PCDH7: variants seen among roughly 807,000 people sequenced by gnomAD.
The protein encoded by PCDH7 is protocadherin 7.
In PCDH7, 17 loss-of-function variants were observed where a neutral mutation model predicts 58.9. The ratio of observed to expected loss-of-function variants is 0.29; its 90% confidence interval spans 0.20 to 0.43. PCDH7 has a LOEUF of 0.43. PCDH7 is among the 20% of genes least tolerant of loss of function. PCDH7 has a pLI of 1.00. For missense variants in PCDH7, 1,274 were observed against 1,441.0 expected, an observed-to-expected ratio of 0.88 and a Z score of 1.88; for synonymous variants, 664 against 616.4, an observed-to-expected ratio of 1.08 and a Z score of -1.14.
intron 1 of PCDH7, among the ~76,000 whole-genome samples, chr4:30,742,341 T>C (rs1717190066): frequency 6.6e-6 from 1 of 152,174 alleles, no homozygotes; most frequent in South Asian, 2.1e-4. Context: ...AATCATTAGA[T>C]GAAGGCACAC....
chr4:31,026,568 A>G (rs6448733), intron 3 of PCDH7, among the ~76,000 whole-genome samples: 82,871 of 152,144 alleles, frequency 0.54, 26,399 homozygotes, highest in African/African-American at 0.88. Flanking sequence ...GAAAGTGTAT[A>G]TGTCTGTGAG....
At chr4:31,142,662 C>A (rs374090310) in exon 4 of PCDH7, 5 of 1,367,704 alleles carry the variant, frequency 3.7e-6, no homozygotes, top group African/African-American at 1.5e-5. Flanking sequence ...AATGGGGAGG[C>A]CGCCATCATG....
At chr4:30,893,912 C>T (rs1332553069) in intron 1 of PCDH7, among the ~76,000 whole-genome samples, 1 of 152,060 alleles carries the variant, frequency 6.6e-6, no homozygotes, top group East Asian at 1.9e-4. Context: ...TTAGATTATC[C>T]TCACAAAGGA....
At chr4:30,969,412 T>C (rs1360033106) in intron 3 of PCDH7, among the ~76,000 whole-genome samples, 2 of 152,162 alleles carry the variant, frequency 1.3e-5, no homozygotes, top group Non-Finnish European at 2.9e-5. Flanking sequence ...TTGTGAACCT[T>C]TTAGGAGCTA....
intron 3 of PCDH7, among the ~76,000 whole-genome samples, chr4:31,052,188 A>G (rs994553424): frequency 6.6e-6 from 1 of 152,152 alleles, no homozygotes; most frequent in Non-Finnish European, 1.5e-5. Flanking sequence ...ATGATTTATC[A>G]TGCCTGTTCC....
At chr4:30,883,656 CTT>C (rs1387236828) in intron 1 of PCDH7, among the ~76,000 whole-genome samples, 1 of 152,166 alleles carries the variant, frequency 6.6e-6, no homozygotes, top group East Asian at 1.9e-4. Flanking sequence ...TTTCTCCTCT[CTT>C]CTCCTTTTTT....
chr4:31,016,961 TTG>T (rs1241091310), intron 3 of PCDH7, among the ~76,000 whole-genome samples: 4 of 149,690 alleles, frequency 2.7e-5, no homozygotes, highest in East Asian at 2.0e-4. Context: ...GTGTATGTGT[TTG>T]TGTGTGTGTG....
chr4:30,950,145 C>T (rs1012058284), exon 3 of PCDH7: 33 of 152,576 alleles, frequency 2.2e-4, no homozygotes, highest in African/African-American at 7.5e-4. Flanking sequence ...CTACCTTTCC[C>T]TTCCTCCCCT....
intron 3 of PCDH7, among the ~76,000 whole-genome samples, chr4:30,954,273 G>T (rs1339108613): frequency 6.6e-6 from 1 of 152,002 alleles, no homozygotes; most frequent in Non-Finnish European, 1.5e-5. Flanking sequence ...ATGCCTTTTT[G>T]CTGACCCTAC....
chr4:31,141,908 G>C (rs7671046), intron 3 of PCDH7, among the ~76,000 whole-genome samples: 81,713 of 151,902 alleles, frequency 0.54, 23,658 homozygotes, highest in African/African-American at 0.76. Flanking sequence ...TTGCTTTTTA[G>C]TTTTTACCAC....
intron 1 of PCDH7, among the ~76,000 whole-genome samples, chr4:30,762,208 C>T (rs1029542039): frequency 6.6e-6 from 1 of 152,098 alleles, no homozygotes; most frequent in Admixed American, 6.6e-5. Flanking sequence ...AATGCTGAAA[C>T]TTTACACCAG....
At chr4:31,062,014 C>T (rs1757727384) in intron 3 of PCDH7, among the ~76,000 whole-genome samples, 1 of 151,618 alleles carries the variant, frequency 6.6e-6, no homozygotes, top group Non-Finnish European at 1.5e-5. Context: ...GGAAGTAGAA[C>T]CATACACAAG....
intron 2 of PCDH7, among the ~76,000 whole-genome samples, chr4:30,946,760 T>A (rs973451974): frequency 6.9e-6 from 1 of 145,572 alleles, no homozygotes; most frequent in East Asian, 2.2e-4. Flanking sequence ...CAGGCTGGAG[T>A]GCAGTGGCAC....
At chr4:31,018,742 G>A (rs1753803553) in intron 3 of PCDH7, among the ~76,000 whole-genome samples, 1 of 152,140 alleles carries the variant, frequency 6.6e-6, no homozygotes, top group Admixed American at 6.5e-5. Flanking sequence ...GTTTGCTTAT[G>A]TATTTGTTTT....
chr4:30,735,304 T>C (rs540154403), downstream of PCDH7, among the ~76,000 whole-genome samples: 1 of 152,276 alleles, frequency 6.6e-6, no homozygotes, highest in African/African-American at 2.4e-5. Context: ...TGCTCACCGA[T>C]AAACTTTCCA....
At chr4:30,950,354 A>G (rs546817159) in intron 3 of PCDH7, 2 of 152,498 alleles carry the variant, frequency 1.3e-5, no homozygotes, top group African/African-American at 4.8e-5. Flanking sequence ...TTGAGTTTAT[A>G]TGTTTCACCG....
In PCDH7 at chr4:30,970,789, C is replaced by T. The variant is rs1269615085; in HGVS notation, c.*7+20574C>T. ...GGATTTTGTATATTTTCTGTAGCTA[C>T]AGAGCATATATAAAATGTATCATTG... On this transcript the variant is annotated intron_variant, in intron 3 of 3. Transcript: ENST00000509759. Among the ~76,000 whole-genome samples, 8 of 152,124 alleles carry T rather than the reference C, an allele frequency of 5.3e-5. No homozygotes were observed. The East Asian group carries it at 1.5e-3, about 29-fold the overall frequency.
At chr4:30,825,887 T>G (rs1345442552) in intron 1 of PCDH7, among the ~76,000 whole-genome samples, 3 of 152,180 alleles carry the variant, frequency 2.0e-5, no homozygotes, top group Non-Finnish European at 4.4e-5. Flanking sequence ...TGCCAGTACC[T>G]TAAAAGAATA....
intron 1 of PCDH7, among the ~76,000 whole-genome samples, chr4:30,824,153 TTCTTTCTTTTTG>T: frequency 8.2e-6 from 1 of 122,486 alleles, no homozygotes; most frequent in Non-Finnish European, 1.7e-5. Flanking sequence ...CTTTCTTTCT[TTCTTTCTTTTTG>T]CTTCCCTCAT....
Sources: gnomAD v4.1 joint callset for allele counts (sites outside exome capture counted in the v4.1 genomes callset) on GRCh38, gnomAD v4.1.1 for gene constraint, MANE v1.5 for transcripts, NCBI Gene and HGNC (gene_info 2026-07-23, HGNC 2026-07-21) for gene names.